The following CFAP54 variants were observed in gnomAD, a reference collection of about 807,000 sequenced individuals.
CFAP54 encodes cilia- and flagella-associated protein 54.
CFAP54 carries 290 observed loss-of-function variants against 370.4 expected under a neutral mutation model. The ratio of observed to expected loss-of-function variants is 0.78; its 90% CI spans 0.71 to 0.86. The LOEUF (loss-of-function observed/expected upper bound fraction) is 0.86, where lower values mean the gene tolerates loss of function less well. Among genes scored for constraint, CFAP54 ranks in the 40% least tolerant of loss-of-function variants. CFAP54 has a pLI of 0.00. For synonymous variants in CFAP54, 1,206 were observed against 1,236.5 expected (o/e 0.98, Z 0.52); for missense variants, 3,399 against 3,528.7 (o/e 0.96, Z 0.93).
At chr12:96,669,475 T>C (rs1020547592) in intron 39 of CFAP54, among the ~76,000 whole-genome samples, 2 of 152,046 alleles carry the variant, frequency 1.3e-5, no homozygotes, top group African/African-American at 2.4e-5. Flanking sequence ...AAAGTAGAGA[T>C]GATGAAAGCC....
rs78300343 is a variant in CFAP54 at position 96,633,499 on chromosome 12, T to G, written c.4316+2848T>G. Among the ~76,000 whole-genome samples, 765 of 152,296 alleles carry G rather than the reference T, an allele frequency of 5.0e-3. 4 individuals are homozygous for G. The highest frequency in any genetic ancestry group is 0.017 in the African/African-American group (726 of 41,566). ...TGTGTTTGTGTGTCTGTGTGTATAT[T>G]CTATGCAATCTGTAGAATTTGTATG... On this transcript the variant is annotated intron_variant, in intron 32 of 67. Coordinates refer to ENST00000524981, the MANE Select transcript of CFAP54 (RefSeq NM_001306084.2).
intron 66 of CFAP54, among the ~76,000 whole-genome samples, chr12:96,857,274 G>T (rs1959731380): frequency 6.6e-6 from 1 of 152,138 alleles, no homozygotes; most frequent in African/African-American, 2.4e-5. Context: ...TATCTTTTCT[G>T]TTCCTCTGCC....
intron 66 of CFAP54, among the ~76,000 whole-genome samples, chr12:96,857,683 G>C (rs566705710): frequency 2.0e-5 from 3 of 152,254 alleles, no homozygotes; most frequent in East Asian, 1.9e-4. Flanking sequence ...CCCCCATGCT[G>C]TTCTTGTGAT....
rs57089692 is a variant in CFAP54, at chr12:96,647,472, CAAAAAAAAAAAAA to C, written c.4548-391_4548-379del. Among the ~76,000 whole-genome samples, 6 of 40,756 alleles carry C rather than the reference CAAAAAAAAAAAAA, an allele frequency of 1.5e-4. 1 individual carries two copies. In the Admixed American group the frequency reaches 3.0e-3, roughly 21 times the overall value. The allele number at this position is 40,756 out of a possible 152,430, so 26.7% of individuals were successfully genotyped here. ...TGGGCGACAGAGCGAGACTCTGTCCCAAAAAAAAAAAAAAAAAAAAAAAAGAAATGCCATTGAT... is the reference window on the plus strand; with the variant it reads ...TGGGCGACAGAGCGAGACTCTGTCCCAAAAAAAAAAAGAAATGCCATTGAT... On this transcript the variant is annotated intron_variant, in intron 33 of 67. Transcript: ENST00000524981.
At chr12:96,645,641 A>G (rs1487153299) in intron 33 of CFAP54, 1 of 153,688 alleles carries the variant, frequency 6.5e-6, no homozygotes, top group Non-Finnish European at 1.5e-5. Context: ...TGCATCGCCA[A>G]GTCAATCCTA....
intron 33 of CFAP54, among the ~76,000 whole-genome samples, chr12:96,647,493 A>AAAAAAAAAAAAAAAAAAAAAAC (rs1423964032): frequency 6.7e-6 from 1 of 149,454 alleles, no homozygotes; most frequent in African/African-American, 2.5e-5. Flanking sequence ...AAAAAAAAAA[A>AAAAAAAAAAAAAAAAAAAAAAC]AAAGAAATGC....
intron 47 of CFAP54, among the ~76,000 whole-genome samples, chr12:96,706,247 A>G (rs902830114): frequency 6.6e-6 from 1 of 152,200 alleles, no homozygotes; most frequent in Non-Finnish European, 1.5e-5. Flanking sequence ...ACGGAGAACC[A>G]TGCTGTGGGA....
At chr12:96,512,722 T>C (rs1299277633) in intron 4 of CFAP54, among the ~76,000 whole-genome samples, 1 of 152,200 alleles carries the variant, frequency 6.6e-6, no homozygotes, top group Non-Finnish European at 1.5e-5. Flanking sequence ...TTGTTCATTA[T>C]ACTTCAAAAG....
At chr12:96,540,272 T>G (rs1955555871) in intron 13 of CFAP54, 1 of 152,226 alleles carries the variant, frequency 6.6e-6, no homozygotes, top group Non-Finnish European at 1.5e-5. Context: ...TGGCTATTTT[T>G]TGTATTTTTA....
intron 54 of CFAP54, 31 bp from the exon 55 acceptor site, chr12:96,743,989 T>A (rs935051894): frequency 6.2e-7 from 1 of 1,603,702 alleles, no homozygotes; most frequent in African/African-American, 1.3e-5. Context: ...CGTCAACTAA[T>A]TGCTCATTAC....
intron 47 of CFAP54, among the ~76,000 whole-genome samples, chr12:96,707,251 T>G (rs1033571479): frequency 6.5e-5 from 9 of 139,472 alleles, no homozygotes; most frequent in African/African-American, 2.4e-4. Flanking sequence ...ATACACTGAG[T>G]CTTTAACTTG....
intron 50 of CFAP54, among the ~76,000 whole-genome samples, chr12:96,738,981 G>T (rs1020401202): frequency 6.6e-6 from 1 of 152,090 alleles, no homozygotes; most frequent in Non-Finnish European, 1.5e-5. Context: ...ATTTTAACTT[G>T]GTTGCTTCTG....
At chr12:96,611,948 G>A (rs1956362832) in intron 26 of CFAP54, among the ~76,000 whole-genome samples, 4 of 152,144 alleles carry the variant, frequency 2.6e-5, no homozygotes, top group Admixed American at 2.6e-4. Context: ...GGGGAGAATG[G>A]AACCAGGTTG....
chr12:96,730,853 T>C (rs1337777195), intron 50 of CFAP54, among the ~76,000 whole-genome samples: 2 of 152,210 alleles, frequency 1.3e-5, no homozygotes, highest in Non-Finnish European at 2.9e-5. Context: ...GGCTGTTCCA[T>C]GACTAACCAC....
At chr12:96,625,163 T>C (rs1490558682) in intron 28 of CFAP54, among the ~76,000 whole-genome samples, 1 of 152,202 alleles carries the variant, frequency 6.6e-6, no homozygotes, top group African/African-American at 2.4e-5. Context: ...TTTTATAAAA[T>C]ATACACATTA....
At chr12:96,820,404 C>A (rs910990203) in intron 65 of CFAP54, among the ~76,000 whole-genome samples, 37 of 152,154 alleles carry the variant, frequency 2.4e-4, no homozygotes, top group Admixed American at 8.5e-4. Flanking sequence ...TACTTGTTGG[C>A]ATTTTTAGTT....
At position 96,875,311 on chromosome 12, in the gene CFAP54, A is replaced by G. The variant is rs2082968540; in HGVS notation, c.*208A>G. 1 of 152,150 alleles carries G rather than the reference A, an allele frequency of 6.6e-6. No individual in the cohort carries two copies. Among genetic ancestry groups the G allele is most frequent in the South Asian group, 2.1e-4 (1 of 4,832 alleles). The allele number at this position is 152,150 out of a possible 1,614,324, so 9.4% of individuals were successfully genotyped here. A position where few individuals can be genotyped will look rare whatever the true frequency, so the allele number is the denominator to read the frequency against. Reference sequence around the variant, plus strand: ...TATGATATATACAAATACTCTAGATATTGCTTTGAGATTTCGCTGTTGATC... The same window carrying G: ...TATGATATATACAAATACTCTAGATGTTGCTTTGAGATTTCGCTGTTGATC... On this transcript the variant is annotated 3_prime_UTR_variant, in exon 68 of 68. Transcript: ENST00000524981.
At chr12:96,538,827 C>T (rs577699866) in intron 13 of CFAP54, among the ~76,000 whole-genome samples, 1 of 151,798 alleles carries the variant, frequency 6.6e-6, no homozygotes, top group African/African-American at 2.4e-5. Flanking sequence ...TCTTGGCTCA[C>T]TGCAACCTCT....
At chr12:96,553,599 A>G (rs940731157) in intron 15 of CFAP54, among the ~76,000 whole-genome samples, 4 of 148,778 alleles carry the variant, frequency 2.7e-5, no homozygotes, top group African/African-American at 4.9e-5. Context: ...ATATATCTGT[A>G]TGCTTTATTT....
Sources: gnomAD v4.1 joint callset for allele counts (sites outside exome capture counted in the v4.1 genomes callset) on GRCh38, gnomAD v4.1.1 for gene constraint, MANE v1.5 for transcripts, NCBI Gene and HGNC (gene_info 2026-07-23, HGNC 2026-07-21) for gene names.